Variants in LPIN2 observed in about 807,000 individuals in gnomAD.
LPIN2 encodes lipin 2, also known as phosphatidate phosphatase LPIN2.
LPIN2 carries 55 observed loss-of-function variants against 111.4 expected under a neutral mutation model. That is an observed-to-expected ratio of 0.49 (90% CI 0.40 to 0.62). LPIN2 has a LOEUF of 0.62. Ranked by LOEUF, LPIN2 falls within the 20% of genes least tolerant of loss-of-function variation. LPIN2 has a pLI of 0.00. For missense variants in LPIN2, 992 were observed against 1,112.1 expected (o/e 0.89, Z 1.54); for synonymous variants, 425 against 414.0 (o/e 1.03, Z -0.32).
chr18:3,006,148 C>T (rs2078512104), intron 1 of LPIN2, among the ~76,000 whole-genome samples: 1 of 152,034 alleles, frequency 6.6e-6, no homozygotes, highest in South Asian at 2.1e-4. Context: ...TAGCAAAATG[C>T]CTAAAGAAGT....
At chr18:2,976,996 CAGG>C (rs2078029078) in intron 1 of LPIN2, 1 of 152,046 alleles carries the variant, frequency 6.6e-6, no homozygotes, top group African/African-American at 2.4e-5. Flanking sequence ...CACTTGAGCC[CAGG>C]AGTTCAAGAC....
chr18:3,005,316 C>T (rs1282554482), intron 1 of LPIN2, among the ~76,000 whole-genome samples: 2 of 151,506 alleles, frequency 1.3e-5, no homozygotes, highest in Non-Finnish European at 2.9e-5. Context: ...TGCATCACTG[C>T]ACTCCTGCCT....
intron 1 of LPIN2, among the ~76,000 whole-genome samples, chr18:2,976,555 G>A (rs2078020180): frequency 6.6e-6 from 1 of 152,198 alleles, no homozygotes; most frequent in South Asian, 2.1e-4. Flanking sequence ...TCATTTGTCT[G>A]CGTGGATTGT....
Position 2,939,551 on chromosome 18 carries a change from G to A in LPIN2, c.751C>T (p.Pro251Ser), listed in dbSNP as rs1350091087. Residue 251 changes from proline to serine, a missense_variant, in exon 6 of 20, where the codon CCT (proline) becomes TCT (serine). Physicochemically the swap from Pro to Ser is moderately conservative, Grantham distance 74 (BLOSUM62 -1). Coordinates refer to ENST00000677752, the MANE Select transcript of LPIN2 (RefSeq NM_001375808.2). ...TCTGATCTGAGCAGGCTCTCCGCAG[G>A]TTTCACCTCCAGCTCTGAATCACTC... ...PKSDSELEVKPAESLLRSESH... is the reference protein window; with the variant it reads ...PKSDSELEVKSAESLLRSESH... 1.2e-6 allele frequency: 2 copies of A among 1,613,954 alleles called. No individual in the cohort carries two copies. The highest frequency in any genetic ancestry group is 2.2e-5 in the East Asian group (1 of 44,888).
At chr18:2,933,577 C>G (rs1466760866) in intron 8 of LPIN2, among the ~76,000 whole-genome samples, 1 of 152,202 alleles carries the variant, frequency 6.6e-6, no homozygotes, top group Non-Finnish European at 1.5e-5. Context: ...AGCTTTATAT[C>G]AATCCCATCT....
chr18:2,970,163 G>A (rs1201033315), intron 1 of LPIN2, among the ~76,000 whole-genome samples: 1 of 152,160 alleles, frequency 6.6e-6, no homozygotes, highest in African/African-American at 2.4e-5. Flanking sequence ...GGGATTTTCT[G>A]ATTCAATATT....
rs1401550556 is a variant in LPIN2, at chr18:2,975,149, G to A, written c.-9-14300C>T. Among the ~76,000 whole-genome samples, 6 of 152,280 alleles carry A rather than the reference G, an allele frequency of 3.9e-5. 1 individual carries two copies. In the East Asian group the frequency reaches 1.2e-3, roughly 29 times the overall value. ...GAAGCAACTTATCTATAGTCTAGCA[G>A]TTACCCAGAGACATGACCAGACAAA... On this transcript the variant is annotated intron_variant, in intron 1 of 19. Coordinates refer to ENST00000677752, the MANE Select transcript of LPIN2 (RefSeq NM_001375808.2).
chr18:2,946,047 T>G (rs1180585731), intron 4 of LPIN2: 6 of 1,420,510 alleles, frequency 4.2e-6, no homozygotes, highest in Non-Finnish European at 6.0e-6. Context: ...GACCCCGATA[T>G]GTCTTTGAAC....
At chr18:2,975,159 G>A (rs113899909) in intron 1 of LPIN2, among the ~76,000 whole-genome samples, 158 of 152,284 alleles carry the variant, frequency 1.0e-3, no homozygotes, top group African/African-American at 3.4e-3. Context: ...GTTACCCAGA[G>A]ACATGACCAG....
rs546233095 is a variant in LPIN2 at position 2,924,473 on chromosome 18, C to T, written c.2012G>A (p.Arg671His). The T allele has an allele frequency of 1.2e-6, 2 of 1,613,984 alleles. No homozygotes were observed. The highest frequency in any genetic ancestry group is 1.7e-6 in the Non-Finnish European group (2 of 1,179,844). Residue 671 changes from arginine to histidine, a missense_variant, in exon 15 of 20, where the codon CGC (arginine) becomes CAC (histidine). Arg to His is a conservative substitution (Grantham distance 29). Around this residue, in one of 4 missense-constraint regions of LPIN2, gnomAD observed 709 missense variants for 753.2 expected, o/e 0.94. Coordinates refer to ENST00000677752, the MANE Select transcript of LPIN2 (RefSeq NM_001375808.2). ...CCACAGGTAAATGGTCCCTGCACAGCGACAGGTGCCTTGATACTGGGTTGT... is the reference window on the plus strand; with the variant it reads ...CCACAGGTAAATGGTCCCTGCACAGTGACAGGTGCCTTGATACTGGGTTGT... ...SITTQYQGTC[R>H]CAGTIYLWNW...
rs2077209585 is a variant in LPIN2, at chr18:2,931,279, C to G, written c.1433G>C (p.Ser478Thr). 1.2e-6 allele frequency: 2 copies of G among 1,614,086 alleles called. No individual in the cohort carries two copies. The highest frequency in any genetic ancestry group is 1.7e-6 in the Non-Finnish European group (2 of 1,180,056). Reference sequence around the variant, plus strand: ...ACCTTTTGAAATTTCTCCATTTTCACTGAGGCCCCCGCAAAGGGAGAGGGT... The same window carrying G: ...ACCTTTTGAAATTTCTCCATTTTCAGTGAGGCCCCCGCAAAGGGAGAGGGT... The part of the protein sequence containing the change: ...DVTLSLCGGL[S>T]ENGEISKEKF... Residue 478 changes from serine (S) to threonine (T), a missense_variant, in exon 9 of 20, where the codon AGT (serine) becomes ACT (threonine). Around this residue, in one of 4 missense-constraint regions of LPIN2, gnomAD observed 709 missense variants for 753.2 expected, o/e 0.94. Transcript: ENST00000677752.
intron 1 of LPIN2, chr18:2,982,748 T>C (rs867116738): frequency 5.4e-6 from 7 of 1,301,144 alleles, no homozygotes; most frequent in Middle Eastern, 2.1e-4. Flanking sequence ...TCATCTTCCT[T>C]GTCATCTTCT....
intron 4 of LPIN2, chr18:2,945,716 A>T: frequency 8.0e-7 from 1 of 1,254,898 alleles, no homozygotes; most frequent in Non-Finnish European, 1.2e-6. Context: ...CATTTTGATC[A>T]AATTCCTTCT....
At chr18:2,921,431 G>GC (rs2077052175) in intron 18 of LPIN2, 102 bp downstream of exon 18, 3 of 876,474 alleles carry the variant, frequency 3.4e-6, no homozygotes, top group Admixed American at 3.6e-5. Context: ...GCCTCATTTT[G>GC]CTTACAAAAC....
chr18:2,937,977 T>C lies in LPIN2; in HGVS notation c.883A>G (p.Asn295Asp). 1 of 1,614,164 alleles carries C rather than the reference T, an allele frequency of 6.2e-7. No individual in the cohort carries two copies. The highest frequency in any genetic ancestry group is 1.7e-4 in the Middle Eastern group (1 of 6,060). The stretch of plus-strand genomic sequence containing the variant: ...CTGGGAATTACCCGAAAATGAGTAT[T>C]TTCTGATGGTGTAATTGTAGCTGTC... Reference protein sequence around the residue: ...PRTATITPSENTHFRVIPSED... With the variant: ...PRTATITPSEDTHFRVIPSED... The change falls in exon 7 of 20, where the codon AAT becomes GAT. Residue 295 changes from asparagine to aspartate, a missense_variant. This residue lies in a region of LPIN2 where 709 missense variants were observed against 753.2 expected (regional missense o/e 0.94). Coordinates refer to ENST00000677752, the MANE Select transcript of LPIN2 (RefSeq NM_001375808.2).
chr18:2,921,032 T>C, intron 18 of LPIN2, 151 bp from the exon 19 acceptor site: 2 of 697,628 alleles, frequency 2.9e-6, no homozygotes, highest in Non-Finnish European at 5.2e-6. Context: ...AACTGAGCTT[T>C]AGACAAACCT....
intron 1 of LPIN2, among the ~76,000 whole-genome samples, chr18:2,974,716 G>A (rs1043213253): frequency 2.6e-5 from 4 of 152,188 alleles, no homozygotes; most frequent in East Asian, 1.9e-4. Context: ...TTTAGGCTGC[G>A]TGCGTTGGCT....
intron 16 of LPIN2, 76 bp from the exon 17 acceptor site, chr18:2,922,275 C>T (rs62075051): frequency 2.0e-6 from 3 of 1,525,196 alleles, no homozygotes; most frequent in African/African-American, 1.4e-5. Context: ...AAAAAAACCC[C>T]ACACTTTTCT....
In LPIN2 at chr18:2,960,636, T is replaced by G. The variant is rs201726088; in HGVS notation, c.192+13A>C. 1 of 1,613,676 alleles carries G rather than the reference T, an allele frequency of 6.2e-7. No individual in the cohort carries two copies. Among genetic ancestry groups the G allele is most frequent in the Non-Finnish European group, 8.5e-7 (1 of 1,179,770 alleles). On this transcript the variant is annotated intron_variant, in intron 2 of 19. Transcript: ENST00000677752. ...ATCTCAGGATGACTTTTCCTCTCCTTGAGGACACTCACCACTTTCTCTTTG... is the reference window on the plus strand; with the variant it reads ...ATCTCAGGATGACTTTTCCTCTCCTGGAGGACACTCACCACTTTCTCTTTG...
Sources: gnomAD v4.1 joint callset for allele counts (sites outside exome capture counted in the v4.1 genomes callset) on GRCh38, gnomAD v4.1.1 for gene constraint, gnomAD v4.1.1 regional missense constraint, MANE v1.5 for transcripts, NCBI Gene and HGNC (gene_info 2026-07-23, HGNC 2026-07-21) for gene names.